Variants in SLC14A2 observed in about 807,000 individuals in gnomAD.
SLC14A2 encodes the protein solute carrier family 14 member 2.
In SLC14A2, 91 loss-of-function variants were observed where a neutral mutation model predicts 104.6. The ratio of observed to expected loss-of-function variants is 0.87; its 90% CI spans 0.73 to 1.04. The LOEUF is 1.04. Ranked by LOEUF, SLC14A2 falls within the 50% of genes least tolerant of loss-of-function variation. The pLI is 0.00. For synonymous variants in SLC14A2, 476 were observed against 466.4 expected (o/e 1.02, Z -0.27); for missense variants, 1,189 against 1,156.0 (o/e 1.03, Z -0.41).
At chr18:45,330,636 C>A (rs1181815558) in intron 1 of SLC14A2, among the ~76,000 whole-genome samples, 1 of 152,198 alleles carries the variant, frequency 6.6e-6, no homozygotes, top group Non-Finnish European at 1.5e-5. Context: ...CCTTTTTCAG[C>A]TCTGCATGCA....
chr18:45,526,095 G>A (rs1401741823), intron 2 of SLC14A2, among the ~76,000 whole-genome samples: 1 of 152,226 alleles, frequency 6.6e-6, no homozygotes, highest in Non-Finnish European at 1.5e-5. Context: ...CCACATAAGG[G>A]ATAGCTTCAG....
chr18:45,561,356 G>C (rs2044199072), intron 2 of SLC14A2, among the ~76,000 whole-genome samples: 1 of 152,280 alleles, frequency 6.6e-6, no homozygotes, highest in South Asian at 2.1e-4. Flanking sequence ...ACTTAGTCTG[G>C]GGAAGCTCTC....
intron 1 of SLC14A2, chr18:45,435,154 C>G (rs1453520043): frequency 1.3e-5 from 2 of 152,120 alleles, no homozygotes; most frequent in East Asian, 3.9e-4. Flanking sequence ...GCAATCAGGT[C>G]CTCTCTGGAG....
intron 1 of SLC14A2, among the ~76,000 whole-genome samples, chr18:45,449,037 G>A (rs924360088): frequency 6.6e-6 from 1 of 152,160 alleles, no homozygotes; most frequent in African/African-American, 2.4e-5. Context: ...CCAGCAGGTG[G>A]CCATCCCAAA....
At chr18:45,577,736 G>A (rs1260109935) in intron 2 of SLC14A2, among the ~76,000 whole-genome samples, 2 of 152,234 alleles carry the variant, frequency 1.3e-5, no homozygotes, top group East Asian at 3.9e-4. Flanking sequence ...CATGTCCATA[G>A]TGAAATTTAT....
chr18:45,194,685 G>A, the SLC14A2 span, among the ~76,000 whole-genome samples: 1 of 123,738 alleles, frequency 8.1e-6, no homozygotes, highest in Non-Finnish European at 1.6e-5. Flanking sequence ...TCACACTGTT[G>A]CCCAGGCTGG....
At chr18:45,342,085 T>C (rs1477564359) in intron 1 of SLC14A2, among the ~76,000 whole-genome samples, 1 of 152,200 alleles carries the variant, frequency 6.6e-6, no homozygotes, top group Admixed American at 6.5e-5. Flanking sequence ...GATTGGTTGA[T>C]AAAAATACTG....
the SLC14A2 span, among the ~76,000 whole-genome samples, chr18:45,169,359 G>T: frequency 8.5e-5 from 13 of 152,088 alleles, no homozygotes; most frequent in Non-Finnish European, 1.6e-4. Flanking sequence ...GAGACCTGAG[G>T]CTACTGCATG....
In SLC14A2 at chr18:45,682,478, G is replaced by C. The variant is rs542984613; in HGVS notation, c.2722G>C (p.Ala908Pro). The change falls in exon 20 of 20, where the codon GCA (alanine) becomes CCA (proline). Residue 908 changes from alanine (A) to proline (P), a missense_variant. Physicochemically the swap from Ala to Pro is conservative, Grantham distance 27. Coordinates refer to ENST00000255226, the MANE Select transcript of SLC14A2 (RefSeq NM_007163.4). ...CCTGTCCCAGGAGAGAAACAGAAGG[G>C]CATCAATCATAACAAAGTATCAGGC... ...YYLSQERNRR[A>P]SIITKYQAYD... 2 of 1,614,148 alleles carry C rather than the reference G, an allele frequency of 1.2e-6. No individual in the cohort carries two copies. The highest frequency in any genetic ancestry group is 1.7e-5 in the Admixed American group (1 of 60,020).
At chr18:45,193,935 C>A in the SLC14A2 span, among the ~76,000 whole-genome samples, 1 of 152,054 alleles carries the variant, frequency 6.6e-6, no homozygotes. Flanking sequence ...CCCATATTTT[C>A]TCTGATTTTC....
At chr18:45,411,436 C>T (rs1183123327) in intron 1 of SLC14A2, among the ~76,000 whole-genome samples, 1 of 152,152 alleles carries the variant, frequency 6.6e-6, no homozygotes, top group African/African-American at 2.4e-5. Context: ...GGAAATTATA[C>T]AACAGAAGCA....
At chr18:45,358,585 AT>A (rs974175170) in intron 1 of SLC14A2, among the ~76,000 whole-genome samples, 1 of 151,812 alleles carries the variant, frequency 6.6e-6, no homozygotes, top group Admixed American at 6.6e-5. Context: ...TTTCCCCATA[AT>A]TTTTTTTAGG....
At chr18:45,185,875 C>T in the SLC14A2 span, among the ~76,000 whole-genome samples, 1 of 152,000 alleles carries the variant, frequency 6.6e-6, no homozygotes, top group Non-Finnish European at 1.5e-5. Context: ...TTTTAAATTC[C>T]ACTTACAATA....
At chr18:45,373,917 A>C (rs1355460597) in intron 1 of SLC14A2, among the ~76,000 whole-genome samples, 3 of 152,236 alleles carry the variant, frequency 2.0e-5, no homozygotes, top group Non-Finnish European at 4.4e-5. Context: ...TGAATTGTGA[A>C]GACAGGATTC....
the SLC14A2 span, chr18:45,179,809 A>T: frequency 1.6e-4 from 25 of 152,180 alleles, no homozygotes; most frequent in African/African-American, 6.0e-4. Context: ...AGATTAACTA[A>T]AATTGAGAAC....
At chr18:45,169,345 C>T in the SLC14A2 span, among the ~76,000 whole-genome samples, 4 of 152,242 alleles carry the variant, frequency 2.6e-5, no homozygotes, top group East Asian at 1.9e-4. Context: ...TTCATTCTGA[C>T]GTTGAGACCT....
rs1433381263 is a variant in SLC14A2, at chr18:45,319,155, T to C, written c.-125+105964T>C. Among the ~76,000 whole-genome samples, 170 of 152,168 alleles carry C rather than the reference T, an allele frequency of 1.1e-3. 2 individuals are homozygous for C. Among genetic ancestry groups the C allele is most frequent in the Non-Finnish European group, 7.4e-5 (5 of 68,020 alleles). ...TTCTCCATGAGCCCCAGCTCCTCTT[T>C]AGGACCACTGACTCTCCATTCCCTT... On this transcript the variant is annotated intron_variant, in intron 1 of 20. Transcript: ENST00000586448.
At chr18:45,437,881 G>A (rs974375190) in intron 1 of SLC14A2, among the ~76,000 whole-genome samples, 1 of 152,212 alleles carries the variant, frequency 6.6e-6, no homozygotes, top group Admixed American at 6.5e-5. Flanking sequence ...TTCATACTGA[G>A]CAAAATACAT....
intron 2 of SLC14A2, among the ~76,000 whole-genome samples, chr18:45,586,421 G>A (rs2044568033): frequency 6.6e-6 from 1 of 152,220 alleles, no homozygotes; most frequent in Non-Finnish European, 1.5e-5. Flanking sequence ...GAAGGCCTTG[G>A]CACTGATTGG....
Sources: allele counts gnomAD v4.1 joint callset (sites outside exome capture counted in the v4.1 genomes callset), GRCh38; gene constraint gnomAD v4.1.1; transcripts MANE v1.5; gene names NCBI Gene and HGNC (gene_info 2026-07-23, HGNC 2026-07-21).